The following PCSK5 variants were observed in gnomAD, a reference collection of about 807,000 sequenced individuals.
PCSK5 encodes prohormone convertase 5.
PCSK5 carries 129 observed loss-of-function variants against 233.2 expected under a neutral mutation model. The observed-to-expected ratio is 0.55, with a 90% CI of 0.48 to 0.64. The LOEUF is 0.64. Among genes scored for constraint, PCSK5 ranks in the 30% least tolerant of loss-of-function variants. PCSK5 has a pLI of 0.00. For missense variants in PCSK5, 2,076 were observed against 2,430.1 expected (o/e 0.85, Z 3.06); for synonymous variants, 825 against 879.2 (o/e 0.94, Z 1.09).
chr9:76,009,130 G>A lies in PCSK5; in HGVS notation c.412-14608G>A, dbSNP rs149765598. ...TACCTAGAATGATACCTGGGATGGT[G>A]CTGAGCAAAAAGCATGCGCAAAATA... On this transcript the variant is annotated intron_variant, in intron 3 of 37. Coordinates refer to ENST00000674117, the MANE Select transcript of PCSK5 (RefSeq NM_001372043.1). 6.3e-3 allele frequency among the ~76,000 whole-genome samples: 956 copies of A among 152,194 alleles called. 5 individuals are homozygous for A. The highest frequency in any genetic ancestry group is 0.022 in the African/African-American group (912 of 41,528).
chr9:76,149,038 T>A (rs774959941), intron 10 of PCSK5, among the ~76,000 whole-genome samples: 8 of 152,216 alleles, frequency 5.3e-5, no homozygotes, highest in Admixed American at 1.3e-4. Context: ...CAAGTCTTAT[T>A]TCTTCTAAAA....
chr9:75,917,154 G>A (rs1362459545), intron 1 of PCSK5, among the ~76,000 whole-genome samples: 5 of 130,218 alleles, frequency 3.8e-5, no homozygotes, highest in Non-Finnish European at 6.2e-5. Context: ...GGGCAACGAA[G>A]AGAGACTCCG....
intron 3 of PCSK5, among the ~76,000 whole-genome samples, chr9:75,994,062 A>G (rs1205298588): frequency 6.6e-6 from 1 of 152,080 alleles, no homozygotes; most frequent in Non-Finnish European, 1.5e-5. Context: ...AAACAGCCCA[A>G]CCTTGCACAC....
chr9:76,144,275 G>A (rs575791659), intron 10 of PCSK5, among the ~76,000 whole-genome samples: 8 of 151,910 alleles, frequency 5.3e-5, no homozygotes, highest in East Asian at 3.9e-4. Context: ...GAAATCATCC[G>A]CTTCTTTTCA....
intron 2 of PCSK5, among the ~76,000 whole-genome samples, chr9:75,976,933 T>C (rs1251973034): frequency 6.6e-6 from 1 of 152,186 alleles, no homozygotes; most frequent in East Asian, 1.9e-4. Flanking sequence ...GTAAGTACTT[T>C]TAAATTCATA....
At chr9:75,925,847 G>A (rs1316681640) in intron 1 of PCSK5, among the ~76,000 whole-genome samples, 1 of 152,194 alleles carries the variant, frequency 6.6e-6, no homozygotes, top group East Asian at 1.9e-4. Flanking sequence ...CTCACATTTA[G>A]CCAAGTGCTA....
intron 5 of PCSK5, among the ~76,000 whole-genome samples, chr9:76,052,697 A>G (rs1242320497): frequency 6.6e-6 from 1 of 152,106 alleles, no homozygotes; most frequent in East Asian, 1.9e-4. Flanking sequence ...TTCAAAACCA[A>G]TTATGCCTTC....
Position 76,314,749 on chromosome 9 carries a change from G to A in PCSK5, c.3884+3898G>A, listed in dbSNP as rs1041997060. 3.3e-5 allele frequency among the ~76,000 whole-genome samples: 5 copies of A among 152,186 alleles called. No homozygotes were observed. The South Asian group carries it at 1.0e-3, about 32-fold the overall frequency. On this transcript the variant is annotated intron_variant, in intron 30 of 37. Transcript: ENST00000674117. ...CCTCCCAGGTTCAAGCAATCATCCT[G>A]CCTCAGCCTCCCGAGTAGCTGGGAT... is the stretch of plus-strand genomic sequence containing the variant.
At position 76,358,688 on chromosome 9, in the gene PCSK5, C is replaced by T. The variant is rs781533180; in HGVS notation, c.5430C>T (p.Ala1810=). The T allele has an allele frequency of 3.0e-5, 48 of 1,612,616 alleles. No individual in the cohort carries two copies. Among genetic ancestry groups the T allele is most frequent in the Non-Finnish European group, 3.7e-5 (44 of 1,179,884 alleles). The change falls in exon 38 of 38, where the codon GCC becomes GCT. Residue 1810 remains alanine (A), a synonymous_variant. Coordinates refer to ENST00000674117, the MANE Select transcript of PCSK5 (RefSeq NM_001372043.1). Reference sequence around the variant, plus strand: ...CAAAGGCCGGCTATGAAAAACTGGCCGACCCCAACAAGTCTTACTCCTCCT... The same window carrying T: ...CAAAGGCCGGCTATGAAAAACTGGCTGACCCCAACAAGTCTTACTCCTCCT... ...PAAKAGYEKL[A]DPNKSYSSYK... is the part of the protein sequence containing the mutation.
At chr9:75,953,650 G>C (rs899817709) in intron 2 of PCSK5, among the ~76,000 whole-genome samples, 1 of 151,778 alleles carries the variant, frequency 6.6e-6, no homozygotes, top group Admixed American at 6.6e-5. Context: ...GTGTGTCTGT[G>C]TGTGTGTGTG....
chr9:76,228,519 A>C (rs1825970571), intron 21 of PCSK5, among the ~76,000 whole-genome samples: 1 of 152,220 alleles, frequency 6.6e-6, no homozygotes. Context: ...GCAGGCACTC[A>C]GTAATGTTTG....
intron 2 of PCSK5, among the ~76,000 whole-genome samples, chr9:75,982,921 T>C (rs1228976966): frequency 6.6e-6 from 1 of 152,168 alleles, no homozygotes; most frequent in Non-Finnish European, 1.5e-5. Flanking sequence ...TTTAAATATC[T>C]GATTCATTCG....
intron 24 of PCSK5, among the ~76,000 whole-genome samples, chr9:76,242,682 G>T (rs1346472982): frequency 1.3e-5 from 2 of 152,178 alleles, no homozygotes; most frequent in African/African-American, 4.8e-5. Context: ...TTCACTGTTT[G>T]CCCATTTCAG....
chr9:76,273,711 T>C (rs1270368046), intron 24 of PCSK5, among the ~76,000 whole-genome samples: 1 of 151,142 alleles, frequency 6.6e-6, no homozygotes, highest in African/African-American at 2.4e-5. Context: ...TAGCTCACTA[T>C]AGCCTGAAAC....
chr9:75,968,196 A>G (rs1220249089), intron 2 of PCSK5, among the ~76,000 whole-genome samples: 1 of 152,206 alleles, frequency 6.6e-6, no homozygotes, highest in Non-Finnish European at 1.5e-5. Flanking sequence ...GATTGTGCTG[A>G]GTAAATGTGT....
intron 27 of PCSK5, 73 bp downstream of exon 27, chr9:76,296,938 T>C: frequency 1.1e-6 from 1 of 948,950 alleles, no homozygotes; most frequent in Non-Finnish European, 1.7e-6. Flanking sequence ...ATAACTCTGG[T>C]TTTTTTAGTT....
chr9:76,178,609 C>G (rs543699645), intron 14 of PCSK5, among the ~76,000 whole-genome samples: 46 of 152,282 alleles, frequency 3.0e-4, no homozygotes, highest in Non-Finnish European at 5.9e-4. Flanking sequence ...CATAATGACT[C>G]AAAGAAACCA....
intron 1 of PCSK5, among the ~76,000 whole-genome samples, chr9:75,906,264 C>G (rs998772566): frequency 3.3e-5 from 5 of 152,048 alleles, no homozygotes; most frequent in Non-Finnish European, 7.4e-5. Context: ...CTCCCACTGT[C>G]GCCTAGGCTG....
chr9:76,276,223 A>C (rs1827684364), intron 24 of PCSK5, among the ~76,000 whole-genome samples: 1 of 152,042 alleles, frequency 6.6e-6, no homozygotes, highest in Admixed American at 6.5e-5. Context: ...AAAAATATAT[A>C]AATAAATAAA....
Sources: allele counts gnomAD v4.1 joint callset (sites outside exome capture counted in the v4.1 genomes callset), GRCh38; gene constraint gnomAD v4.1.1; transcripts MANE v1.5; gene names NCBI Gene and HGNC (gene_info 2026-07-23, HGNC 2026-07-21).